Variants in AATF observed in about 807,000 individuals in gnomAD.
AATF encodes apoptosis antagonizing transcription factor.
AATF carries 48 observed loss-of-function variants against 63.7 expected under a neutral mutation model. That is an observed-to-expected ratio of 0.75 (90% confidence interval 0.60 to 0.96). The LOEUF is 0.96. Ranked by LOEUF, AATF falls within the 40% of genes least tolerant of loss-of-function variation. AATF has a pLI of 0.00. For synonymous variants in AATF, 258 were observed against 247.7 expected, an observed-to-expected ratio of 1.04 and a Z score of -0.39; for missense variants, 639 against 685.7, an observed-to-expected ratio of 0.93 and a Z score of 0.76.
chr17:37,035,321 C>T (rs914202117), intron 11 of AATF, among the ~76,000 whole-genome samples: 11 of 151,106 alleles, frequency 7.3e-5, no homozygotes, highest in Admixed American at 4.6e-4. Context: ...TGGGTTCAAG[C>T]GATTCTCCTG....
intron 1 of AATF, 102 bp from the exon 2 acceptor site, chr17:36,950,112 C>T (rs2070841424): frequency 3.8e-6 from 5 of 1,305,876 alleles, no homozygotes; most frequent in African/African-American, 1.5e-5. Flanking sequence ...GTGGGGATTT[C>T]GTAAAGGACG....
rs1034834371 is a variant in AATF at position 36,950,328 on chromosome 17, A to G, written c.206A>G (p.Lys69Arg). 1.9e-6 allele frequency: 3 copies of G among 1,614,174 alleles called. No homozygotes were observed. Among genetic ancestry groups the G allele is most frequent in the Admixed American group, 3.3e-5 (2 of 60,032 alleles). The change falls in exon 2 of 12, where the codon AAA (lysine) becomes AGA (arginine). Residue 69 changes from lysine to arginine, a missense_variant. Lys to Arg is a conservative substitution (Grantham distance 26). Transcript: ENST00000619387. The stretch of plus-strand genomic sequence containing the variant: ...TCAGCCTCCCTCTTGGACACGGACA[A>G]AAGGTATTGCGGCAAAACCACCTCT... Reference protein sequence around the residue: ...LASASLLDTDKRYCGKTTSRK... With the variant: ...LASASLLDTDRRYCGKTTSRK...
At chr17:36,991,967 G>C (rs1232731871) in intron 8 of AATF, among the ~76,000 whole-genome samples, 1 of 152,184 alleles carries the variant, frequency 6.6e-6, no homozygotes, top group Non-Finnish European at 1.5e-5. Flanking sequence ...CTGTTCAGCA[G>C]TGATATACCA....
intron 11 of AATF, chr17:37,034,993 T>C (rs1167573363): frequency 3.3e-5 from 5 of 150,992 alleles, no homozygotes; most frequent in South Asian, 2.1e-4. Context: ...GGCGTGGTGG[T>C]GGGCGCCTGT....
intron 11 of AATF, among the ~76,000 whole-genome samples, chr17:37,054,069 C>G (rs1009846745): frequency 6.6e-6 from 1 of 152,088 alleles, no homozygotes; most frequent in Non-Finnish European, 1.5e-5. Context: ...GGAGGAAGGG[C>G]TGTGCCTCCC....
chr17:36,950,874 AG>A (rs1408126392), intron 2 of AATF, among the ~76,000 whole-genome samples: 1 of 152,226 alleles, frequency 6.6e-6, no homozygotes, highest in East Asian at 1.9e-4. Context: ...GTGACAGAGA[AG>A]GCAGTGCATT....
At position 36,963,984 on chromosome 17, in the gene AATF, C is replaced by T. The variant is rs542583052; in HGVS notation, c.832+10077C>T. ...TTGAGCCCAGGAGTTCAGGACCAGC[C>T]TGGGCAACACAGTGAGACCCTGTCT... On this transcript the variant is annotated intron_variant, in intron 4 of 11. Transcript: ENST00000619387. Among the ~76,000 whole-genome samples, 6 of 152,026 alleles carry T rather than the reference C, an allele frequency of 3.9e-5. No individual in the cohort carries two copies. In the South Asian group the frequency reaches 1.2e-3, roughly 32 times the overall value.
intron 4 of AATF, among the ~76,000 whole-genome samples, chr17:36,962,502 T>C (rs2070955665): frequency 6.6e-6 from 1 of 151,958 alleles, no homozygotes; most frequent in Admixed American, 6.6e-5. Context: ...AGCTAGAAAA[T>C]GCATTTCACT....
chr17:37,021,408 C>G (rs1277298848), intron 10 of AATF, among the ~76,000 whole-genome samples: 3 of 152,156 alleles, frequency 2.0e-5, no homozygotes, highest in Admixed American at 6.5e-5. Flanking sequence ...GTGGGCAGAT[C>G]ACTTGAGGTC....
chr17:36,989,491 C>A, intron 7 of AATF, 80 bp downstream of exon 7: 1 of 1,391,482 alleles, frequency 7.2e-7, no homozygotes, highest in African/African-American at 1.4e-5. Flanking sequence ...TAGCTATTAC[C>A]TGTTTATATA....
chr17:36,979,806 C>T (rs560830003), intron 4 of AATF, among the ~76,000 whole-genome samples: 8 of 152,162 alleles, frequency 5.3e-5, no homozygotes, highest in Admixed American at 1.3e-4. Flanking sequence ...ACTTATTCCT[C>T]GCTTACAGTT....
intron 4 of AATF, among the ~76,000 whole-genome samples, chr17:36,955,513 A>T (rs2070892501): frequency 6.6e-6 from 1 of 151,948 alleles, no homozygotes; most frequent in Non-Finnish European, 1.5e-5. Context: ...AAGTTTTTTG[A>T]GATTTTTGGA....
intron 4 of AATF, among the ~76,000 whole-genome samples, chr17:36,970,504 G>C (rs1231715009): frequency 6.6e-6 from 1 of 151,278 alleles, no homozygotes; most frequent in Non-Finnish European, 1.5e-5. Flanking sequence ...AGTCAGTCAA[G>C]TCAGTGGAGA....
intron 8 of AATF, among the ~76,000 whole-genome samples, chr17:37,010,445 G>T (rs1264007995): frequency 1.3e-5 from 2 of 152,058 alleles, no homozygotes; most frequent in South Asian, 4.1e-4. Context: ...GCGACAGAGC[G>T]AGACTCCATC....
intron 8 of AATF, among the ~76,000 whole-genome samples, chr17:36,993,775 A>G (rs2071233320): frequency 6.6e-6 from 1 of 152,170 alleles, no homozygotes; most frequent in Admixed American, 6.5e-5. Context: ...GATTATAGCC[A>G]CATTGAATTT....
intron 8 of AATF, among the ~76,000 whole-genome samples, chr17:36,995,196 A>G (rs140251757): frequency 1.6e-4 from 24 of 152,278 alleles, no homozygotes; most frequent in South Asian, 4.1e-4. Flanking sequence ...AGAACGGCAT[A>G]ATAGGTTTTG....
chr17:36,952,973 C>T lies in AATF; in HGVS notation c.371C>T (p.Ala124Val). ...GAATATGATGAGGACGACCTGGGTG[C>T]TGCTGAGGAACAGGAGTGTGGTGAT... ...LEEYDEDDLG[A>V]AEEQECGDHR... Residue 124 changes from alanine (A) to valine (V), a missense_variant, in exon 3 of 12, where the codon GCT (alanine) becomes GTT (valine). By Grantham distance (64) the Ala-to-Val change is moderately conservative. Transcript: ENST00000619387. The T allele has an allele frequency of 6.2e-7, 1 of 1,614,124 alleles. No individual in the cohort carries two copies. Among genetic ancestry groups the T allele is most frequent in the Non-Finnish European group, 8.5e-7 (1 of 1,180,032 alleles).
intron 10 of AATF, among the ~76,000 whole-genome samples, chr17:37,026,346 T>C (rs2071511023): frequency 6.6e-6 from 1 of 152,240 alleles, no homozygotes; most frequent in South Asian, 2.1e-4. Flanking sequence ...TGTACTCACC[T>C]GGCTCATCTT....
intron 11 of AATF, chr17:37,055,555 G>A (rs573797154): frequency 9.1e-4 from 138 of 152,276 alleles, no homozygotes; most frequent in African/African-American, 3.2e-3. Context: ...AAAACAAGAC[G>A]GCAGGCTGGA....
Sources: gnomAD v4.1 joint callset for allele counts (sites outside exome capture counted in the v4.1 genomes callset) on GRCh38, gnomAD v4.1.1 for gene constraint, MANE v1.5 for transcripts, NCBI Gene and HGNC (gene_info 2026-07-23, HGNC 2026-07-21) for gene names.